The following PPP6R3 variants were observed in gnomAD, a reference collection of about 807,000 sequenced individuals.
PPP6R3 encodes protein phosphatase 6 regulatory subunit 3, also known as serine/threonine-protein phosphatase 6 regulatory subunit 3.
Under a neutral mutation model 110.7 loss-of-function variants are expected in PPP6R3, and 38 were observed. That is an observed-to-expected ratio of 0.34 (90% CI 0.26 to 0.45). PPP6R3 has a LOEUF of 0.45. Among genes scored for constraint, PPP6R3 ranks in the 20% least tolerant of loss-of-function variants. PPP6R3 has a pLI of 1.00. For synonymous variants in PPP6R3, 369 were observed against 373.5 expected, an observed-to-expected ratio of 0.99 and a Z score of 0.14; for missense variants, 870 against 1,062.4, an observed-to-expected ratio of 0.82 and a Z score of 2.52.
chr11:68,502,634 C>T (rs769142125), intron 1 of PPP6R3, among the ~76,000 whole-genome samples: 1 of 152,056 alleles, frequency 6.6e-6, no homozygotes, highest in African/African-American at 2.4e-5. Context: ...AAGTGTAAGG[C>T]GGAACTGACA....
intron 1 of PPP6R3, among the ~76,000 whole-genome samples, chr11:68,482,659 G>A (rs1274950479): frequency 6.6e-6 from 1 of 151,940 alleles, no homozygotes; most frequent in African/African-American, 2.4e-5. Flanking sequence ...GTTTGGGATA[G>A]AAAGTCTTAG....
intron 23 of PPP6R3, 147 bp from the exon 24 acceptor site, chr11:68,612,919 C>CATT: frequency 1.4e-6 from 2 of 1,431,862 alleles, no homozygotes; most frequent in Non-Finnish European, 9.3e-7. Flanking sequence ...TTGCTCCATT[C>CATT]ATTTACATAT....
At chr11:68,535,799 TAA>T (rs1269536453) in intron 2 of PPP6R3, among the ~76,000 whole-genome samples, 24 of 78,374 alleles carry the variant, frequency 3.1e-4, no homozygotes, top group Admixed American at 7.3e-4. Context: ...CCGTCTCTAC[TAA>T]AAAAAAAAAA....
intron 1 of PPP6R3, among the ~76,000 whole-genome samples, chr11:68,493,556 C>G (rs551768209): frequency 6.7e-6 from 1 of 149,166 alleles, no homozygotes; most frequent in Non-Finnish European, 1.5e-5. Context: ...CTACAGCCTC[C>G]CAGTAGCTAG....
At chr11:68,574,351 G>A (rs1286189043) in intron 13 of PPP6R3, 127 bp downstream of exon 13, 3 of 669,916 alleles carry the variant, frequency 4.5e-6, no homozygotes, top group Non-Finnish European at 7.6e-6. Context: ...GGCAAATTAT[G>A]TATTTGAATG....
intron 19 of PPP6R3, among the ~76,000 whole-genome samples, chr11:68,597,563 A>G (rs534827807): frequency 6.6e-6 from 1 of 152,334 alleles, no homozygotes; most frequent in South Asian, 2.1e-4. Flanking sequence ...ATGAGAAATA[A>G]TGAGAACTGC....
chr11:68,546,592 A>G (rs1592906881), intron 4 of PPP6R3, among the ~76,000 whole-genome samples: 2 of 152,258 alleles, frequency 1.3e-5, no homozygotes, highest in East Asian at 3.9e-4. Context: ...GCCAATTAGG[A>G]GTGTAAATAA....
chr11:68,497,831 A>C (rs935183637), intron 1 of PPP6R3, among the ~76,000 whole-genome samples: 2 of 152,240 alleles, frequency 1.3e-5, no homozygotes, highest in East Asian at 3.9e-4. Flanking sequence ...AGTTTTGCCT[A>C]ATCCGTGGCC....
intron 8 of PPP6R3, among the ~76,000 whole-genome samples, chr11:68,561,326 C>T (rs538879342): frequency 6.6e-6 from 1 of 152,022 alleles, no homozygotes; most frequent in Non-Finnish European, 1.5e-5. Context: ...CCTTGAACAC[C>T]TGGGCTCTAA....
intron 3 of PPP6R3, among the ~76,000 whole-genome samples, chr11:68,539,891 A>G (rs1280351262): frequency 3.3e-5 from 5 of 152,266 alleles, no homozygotes; most frequent in Non-Finnish European, 7.3e-5. Context: ...GGTCAGAGCC[A>G]TGCAGGAATT....
rs2099278759 is a variant in PPP6R3 at position 68,537,909 on chromosome 11, TCTC to T, written c.227+19_227+21del. The T allele has an allele frequency of 6.4e-7, 1 of 1,569,024 alleles. No individual in the cohort carries two copies. The highest frequency in any genetic ancestry group is 8.8e-7 in the Non-Finnish European group (1 of 1,141,924). On this transcript the variant is annotated intron_variant, in intron 3 of 23. Transcript: ENST00000393800. ...AGATACAAGTAAGACAATTCAATCT[TCTC>T]TGTAGAGTGGGACTAAAGTGAAGTG...
intron 1 of PPP6R3, among the ~76,000 whole-genome samples, chr11:68,498,620 C>CT (rs1308147431): frequency 6.6e-6 from 1 of 152,150 alleles, no homozygotes; most frequent in African/African-American, 2.4e-5. Flanking sequence ...ACTCTTGTGT[C>CT]TTTCTCTTGG....
intron 1 of PPP6R3, among the ~76,000 whole-genome samples, chr11:68,517,680 A>G (rs1044106523): frequency 3.3e-5 from 5 of 152,184 alleles, no homozygotes; most frequent in Admixed American, 6.5e-5. Flanking sequence ...GCTCACACCT[A>G]TAATCCCAGA....
At chr11:68,475,405 G>GC (rs1232782486) in intron 1 of PPP6R3, among the ~76,000 whole-genome samples, 2 of 152,220 alleles carry the variant, frequency 1.3e-5, no homozygotes, top group African/African-American at 4.8e-5. Context: ...CGTCATCATG[G>GC]CCCATTCTCA....
At chr11:68,603,245 A>G in intron 21 of PPP6R3, 97 bp from the exon 22 acceptor site, 1 of 1,459,284 alleles carries the variant, frequency 6.9e-7, no homozygotes, top group Non-Finnish European at 9.3e-7. Flanking sequence ...TTCTTCAAGC[A>G]GTAGATGTCA....
chr11:68,556,698 C>T (rs776645916), intron 7 of PPP6R3, among the ~76,000 whole-genome samples: 66 of 152,072 alleles, frequency 4.3e-4, no homozygotes, highest in Non-Finnish European at 8.2e-4. Context: ...TATATTTTCT[C>T]GCATGTAATT....
chr11:68,461,444 C>A (rs1215414198), intron 1 of PPP6R3, among the ~76,000 whole-genome samples: 1 of 121,346 alleles, frequency 8.2e-6, no homozygotes, highest in Non-Finnish European at 1.6e-5. Flanking sequence ...TGTGAGGTGG[C>A]TTGTATGTAA....
In PPP6R3 at chr11:68,564,278, C is replaced by G. The variant is rs769383940; in HGVS notation, c.846-25C>G. On this transcript the variant is annotated intron_variant, in intron 8 of 23. Transcript: ENST00000393800. ...ATGATTTGTTCTGAAATTATAATAACTAAAATTCCTTGCTTTGTTTCAAGA... is the reference window on the plus strand; with the variant it reads ...ATGATTTGTTCTGAAATTATAATAAGTAAAATTCCTTGCTTTGTTTCAAGA... 4 of 1,581,362 alleles carry G rather than the reference C, an allele frequency of 2.5e-6. No individual in the cohort carries two copies. The Admixed American group carries it at 7.0e-5, about 28-fold the overall frequency.
In PPP6R3 at chr11:68,512,593, C is replaced by T. The variant is rs550188698; in HGVS notation, c.-157-6908C>T. ...CTATTACCTTGTTATTGTCTTTATT[C>T]GTAAATTAAGTATGGTTTAAGGAGA... On this transcript the variant is annotated intron_variant, in intron 1 of 23. Transcript: ENST00000393800. Among the ~76,000 whole-genome samples, 30 of 152,242 alleles carry T rather than the reference C, an allele frequency of 2.0e-4. No homozygotes were observed. In the South Asian group the frequency reaches 2.3e-3, roughly 12 times the overall value.
Sources: gnomAD v4.1 joint callset for allele counts (sites outside exome capture counted in the v4.1 genomes callset) on GRCh38, gnomAD v4.1.1 for gene constraint, MANE v1.5 for transcripts, NCBI Gene and HGNC (gene_info 2026-07-23, HGNC 2026-07-21) for gene names.